Variants in THSD4 observed in about 807,000 individuals in gnomAD.
THSD4 encodes the protein thrombospondin type-1 domain-containing protein 4.
THSD4 carries 69 observed loss-of-function variants against 119.0 expected under a neutral mutation model. That is an observed-to-expected ratio of 0.58 (90% CI 0.48 to 0.71). The LOEUF (loss-of-function observed/expected upper bound fraction) is 0.71, where lower values mean the gene tolerates loss of function less well. Among genes scored for constraint, THSD4 ranks in the 30% least tolerant of loss-of-function variants. The pLI is 0.00. For missense variants in THSD4, 1,393 were observed against 1,391.1 expected (o/e 1.00, Z -0.02); for synonymous variants, 524 against 540.4 (o/e 0.97, Z 0.42).
At chr15:71,702,419 A>G (rs1259886016) in intron 8 of THSD4, among the ~76,000 whole-genome samples, 1 of 150,840 alleles carries the variant, frequency 6.6e-6, no homozygotes, top group Non-Finnish European at 1.5e-5. Context: ...CTAACATTTT[A>G]TGTGTAAGGA....
intron 14 of THSD4, among the ~76,000 whole-genome samples, chr15:71,755,706 CAAAAAAAAAAAAAAAA>C (rs10555546): frequency 2.2e-4 from 11 of 50,280 alleles, no homozygotes; most frequent in African/African-American, 6.7e-4. Context: ...TCAGCAAAGA[CAAAAAAAAAAAAAAAA>C]AAAAAAAAAA....
intron 7 of THSD4, among the ~76,000 whole-genome samples, chr15:71,608,309 A>G (rs1405952054): frequency 6.6e-6 from 1 of 151,428 alleles, no homozygotes; most frequent in African/African-American, 2.4e-5. Context: ...GATAAAACTC[A>G]AAAAGTAGAA....
intron 6 of THSD4, chr15:71,341,772 C>A: frequency 1.2e-6 from 1 of 802,538 alleles, no homozygotes; most frequent in South Asian, 1.3e-5. Context: ...TTCCTTTTTT[C>A]TCCTACCTCC....
chr15:71,676,382 A>G (rs898129535), intron 8 of THSD4, among the ~76,000 whole-genome samples: 1 of 152,086 alleles, frequency 6.6e-6, no homozygotes, highest in Non-Finnish European at 1.5e-5. Flanking sequence ...CCCGGGTTCA[A>G]GCGATTCTCC....
chr15:71,524,830 T>A (rs1391806714), intron 7 of THSD4, among the ~76,000 whole-genome samples: 1 of 148,982 alleles, frequency 6.7e-6, no homozygotes, highest in Non-Finnish European at 1.5e-5. Context: ...GCCAGGATGA[T>A]CTCGATCTCC....
At chr15:71,526,672 C>T (rs7162997) in intron 7 of THSD4, among the ~76,000 whole-genome samples, 8,176 of 152,186 alleles carry the variant, frequency 0.054, 725 homozygotes, top group African/African-American at 0.19. Context: ...GTGCAAATGT[C>T]GAGACTTTGA....
intron 7 of THSD4, among the ~76,000 whole-genome samples, chr15:71,521,795 A>C (rs987927030): frequency 3.9e-5 from 6 of 152,186 alleles, no homozygotes; most frequent in Admixed American, 2.0e-4. Flanking sequence ...CGAGTAATAG[A>C]CATGTGTTTA....
chr15:71,155,871 A>C (rs1183979444), intron 3 of THSD4, among the ~76,000 whole-genome samples: 1 of 151,638 alleles, frequency 6.6e-6, no homozygotes, highest in Non-Finnish European at 1.5e-5. Context: ...CCTGCTGGTG[A>C]CTCCCTTTGG....
intron 7 of THSD4, among the ~76,000 whole-genome samples, chr15:71,648,977 G>T (rs1468591237): frequency 6.6e-6 from 1 of 152,176 alleles, no homozygotes; most frequent in Admixed American, 6.5e-5. Context: ...TCACCTGCGG[G>T]TGTAATGTGC....
At chr15:71,658,160 C>G (rs1246985425) in intron 7 of THSD4, among the ~76,000 whole-genome samples, 1 of 152,192 alleles carries the variant, frequency 6.6e-6, no homozygotes, top group Non-Finnish European at 1.5e-5. Context: ...GAGCATGGCT[C>G]TCCCCTTCTC....
chr15:71,200,167 T>A (rs946096606), intron 3 of THSD4, among the ~76,000 whole-genome samples: 1 of 152,102 alleles, frequency 6.6e-6, no homozygotes, highest in African/African-American at 2.4e-5. Flanking sequence ...TTTTTGTGAC[T>A]CTTCTTTTAG....
intron 7 of THSD4, among the ~76,000 whole-genome samples, chr15:71,612,567 C>T (rs1445004082): frequency 1.3e-5 from 2 of 152,116 alleles, no homozygotes; most frequent in Non-Finnish European, 2.9e-5. Context: ...GGATGGGTTC[C>T]GTGCTGCAGC....
intron 3 of THSD4, among the ~76,000 whole-genome samples, chr15:71,171,606 A>G (rs1427544997): frequency 6.6e-6 from 1 of 152,200 alleles, no homozygotes; most frequent in Non-Finnish European, 1.5e-5. Flanking sequence ...CTACATAGGT[A>G]ACTATATTTT....
chr15:71,430,140 G>A (rs2046922299), intron 7 of THSD4, among the ~76,000 whole-genome samples: 1 of 151,862 alleles, frequency 6.6e-6, no homozygotes, highest in African/African-American at 2.4e-5. Flanking sequence ...TCAGCTTGTA[G>A]GGCCTTAGGA....
intron 10 of THSD4, among the ~76,000 whole-genome samples, chr15:71,736,127 C>CCG (rs1442707793): frequency 8.2e-6 from 1 of 122,350 alleles, no homozygotes; most frequent in African/African-American, 3.2e-5. Context: ...CTGTCTCTGT[C>CCG]TCTCTCTTGC....
At chr15:71,124,739 C>A (rs1170657704) in intron 1 of THSD4, among the ~76,000 whole-genome samples, 1 of 152,256 alleles carries the variant, frequency 6.6e-6, no homozygotes, top group East Asian at 1.9e-4. Context: ...CATTCTATTT[C>A]GTGACTTAAA....
Position 71,772,781 on chromosome 15 carries a change from A to G in THSD4, c.2914+1573A>G, listed in dbSNP as rs139836497. Among the ~76,000 whole-genome samples the G allele has an allele frequency of 5.9e-5, 9 of 152,342 alleles. No individual in the cohort carries two copies. The East Asian group carries it at 1.7e-3, about 29-fold the overall frequency. ...AGTTAAGTTTGATAAAGGGGGAATG[A>G]TAAGTAAGTGGGGAGAGGAGAGGCT... On this transcript the variant is annotated intron_variant, in intron 17 of 17. Coordinates refer to ENST00000261862, the MANE Select transcript of THSD4 (RefSeq NM_024817.3).
intron 3 of THSD4, among the ~76,000 whole-genome samples, chr15:71,163,404 G>A (rs1026702159): frequency 2.0e-5 from 3 of 151,940 alleles, no homozygotes; most frequent in South Asian, 2.1e-4. Flanking sequence ...TCACAAAAGC[G>A]TGTAAAATTA....
intron 7 of THSD4, among the ~76,000 whole-genome samples, chr15:71,577,744 G>A (rs181701929): frequency 0.28 from 1,886 of 6,784 alleles, 49 homozygotes; most frequent in African/African-American, 0.31. Context: ...TTTTTGAGAC[G>A]GAGTCTTGCC....
Sources: allele counts gnomAD v4.1 joint callset (sites outside exome capture counted in the v4.1 genomes callset), GRCh38; gene constraint gnomAD v4.1.1; transcripts MANE v1.5; gene names NCBI Gene and HGNC (gene_info 2026-07-23, HGNC 2026-07-21).